Variants in KCNQ5 observed in about 807,000 individuals in gnomAD.
KCNQ5 encodes potassium voltage-gated channel subfamily KQT member 5.
Under a neutral mutation model 98.2 loss-of-function variants are expected in KCNQ5, and 30 were observed. That is an observed-to-expected ratio of 0.31 (90% CI 0.23 to 0.41). KCNQ5 has a LOEUF of 0.41. Among genes scored for constraint, KCNQ5 ranks in the 10% least tolerant of loss-of-function variants. The pLI is 1.00. For missense variants in KCNQ5, 835 were observed against 1,182.5 expected (o/e 0.71, Z 4.31); for synonymous variants, 458 against 449.4 (o/e 1.02, Z -0.24).
intron 1 of KCNQ5, among the ~76,000 whole-genome samples, chr6:72,766,724 A>G (rs572140411): frequency 3.7e-4 from 57 of 152,072 alleles, no homozygotes; most frequent in Middle Eastern, 3.4e-3. Context: ...CATTTGCTGG[A>G]GATGAGAGGG....
intron 1 of KCNQ5, among the ~76,000 whole-genome samples, chr6:72,930,314 A>G (rs1296408591): frequency 2.0e-5 from 3 of 152,168 alleles, no homozygotes; most frequent in Non-Finnish European, 4.4e-5. Flanking sequence ...TGAAAGGAGC[A>G]ACTATGTCTT....
chr6:73,131,306 G>A (rs867193868), intron 9 of KCNQ5, among the ~76,000 whole-genome samples: 1 of 151,860 alleles, frequency 6.6e-6, no homozygotes, highest in Admixed American at 6.6e-5. Flanking sequence ...CATTTCTTAT[G>A]TATTTAGTTG....
chr6:72,716,938 A>G (rs556842846), intron 1 of KCNQ5, among the ~76,000 whole-genome samples: 1 of 152,296 alleles, frequency 6.6e-6, no homozygotes, highest in Non-Finnish European at 1.5e-5. Context: ...TTAAACACCT[A>G]CTCCATGCCA....
intron 1 of KCNQ5, among the ~76,000 whole-genome samples, chr6:72,956,365 ACT>A (rs1240290411): frequency 6.6e-6 from 1 of 151,796 alleles, no homozygotes; most frequent in Non-Finnish European, 1.5e-5. Flanking sequence ...GTGTTTAAAT[ACT>A]CTTTCCAGGA....
At chr6:73,007,513 T>C (rs1464704671) in intron 2 of KCNQ5, among the ~76,000 whole-genome samples, 4 of 152,212 alleles carry the variant, frequency 2.6e-5, no homozygotes, top group Non-Finnish European at 5.9e-5. Context: ...TGTAATTCAA[T>C]GGATGGAACT....
intron 2 of KCNQ5, among the ~76,000 whole-genome samples, chr6:73,016,069 G>A (rs981320931): frequency 6.6e-5 from 10 of 152,110 alleles, no homozygotes; most frequent in Non-Finnish European, 1.2e-4. Context: ...TAATGTTTTT[G>A]TGGAAGACCT....
At chr6:72,848,585 C>T (rs1402596231) in intron 1 of KCNQ5, among the ~76,000 whole-genome samples, 1 of 152,148 alleles carries the variant, frequency 6.6e-6, no homozygotes, top group Non-Finnish European at 1.5e-5. Context: ...TTACCCATCC[C>T]TAAAAGTCTA....
chr6:72,779,119 C>T (rs561350596), intron 1 of KCNQ5, among the ~76,000 whole-genome samples: 2 of 152,084 alleles, frequency 1.3e-5, no homozygotes, highest in Non-Finnish European at 2.9e-5. Flanking sequence ...GGAGCAGAGC[C>T]GTGGGAGACT....
chr6:73,026,140 C>T (rs1448798875), intron 2 of KCNQ5, among the ~76,000 whole-genome samples: 1 of 152,160 alleles, frequency 6.6e-6, no homozygotes, highest in Non-Finnish European at 1.5e-5. Flanking sequence ...TCTACCAAAA[C>T]CTGGTGAGGG....
chr6:72,859,421 T>C (rs929384926), intron 1 of KCNQ5, among the ~76,000 whole-genome samples: 2 of 125,876 alleles, frequency 1.6e-5, no homozygotes, highest in Non-Finnish European at 3.9e-5. Flanking sequence ...TTTCCCCATA[T>C]TTTTCGTATT....
intron 1 of KCNQ5, among the ~76,000 whole-genome samples, chr6:72,717,274 T>C (rs913310990): frequency 4.6e-5 from 7 of 152,222 alleles, no homozygotes; most frequent in Non-Finnish European, 7.4e-5. Context: ...TAAGTTATTG[T>C]ATATCTCAAA....
intron 10 of KCNQ5, among the ~76,000 whole-genome samples, chr6:73,155,224 A>G (rs1490136474): frequency 6.6e-6 from 1 of 152,230 alleles, no homozygotes; most frequent in Non-Finnish European, 1.5e-5. Flanking sequence ...AGACTACAAA[A>G]TAAAGTTATG....
At chr6:72,926,620 G>T (rs185682413) in intron 1 of KCNQ5, among the ~76,000 whole-genome samples, 36 of 152,186 alleles carry the variant, frequency 2.4e-4, no homozygotes, top group Admixed American at 3.9e-4. Flanking sequence ...ACTTGTAATT[G>T]TGAAGGTTTG....
chr6:72,664,155 A>G (rs1766670568), intron 1 of KCNQ5, among the ~76,000 whole-genome samples: 1 of 152,212 alleles, frequency 6.6e-6, no homozygotes, highest in South Asian at 2.1e-4. Flanking sequence ...AAGTGTTAGG[A>G]GGGGATGTAG....
chr6:73,045,852 G>A (rs1241703019), intron 3 of KCNQ5, among the ~76,000 whole-genome samples: 1 of 152,018 alleles, frequency 6.6e-6, no homozygotes. Context: ...AGTCTTGCAG[G>A]GAGTCTCAGT....
intron 11 of KCNQ5, among the ~76,000 whole-genome samples, chr6:73,174,023 T>C (rs1422918218): frequency 3.3e-5 from 5 of 152,056 alleles, no homozygotes; most frequent in Admixed American, 2.0e-4. Context: ...ATGCAAAGCT[T>C]ACCTGCTTCT....
At chr6:72,717,910 C>A (rs993810713) in intron 1 of KCNQ5, among the ~76,000 whole-genome samples, 1 of 152,128 alleles carries the variant, frequency 6.6e-6, no homozygotes, top group African/African-American at 2.4e-5. Context: ...TCAGCTTTTA[C>A]GGTACAGTAC....
chr6:72,954,888 G>C (rs572811717), intron 1 of KCNQ5, among the ~76,000 whole-genome samples: 1 of 152,196 alleles, frequency 6.6e-6, no homozygotes, highest in African/African-American at 2.4e-5. Context: ...CATGGCCCTC[G>C]TGTGTATGTA....
At chr6:73,110,393 A>G (rs555369852) in intron 6 of KCNQ5, among the ~76,000 whole-genome samples, 16 of 152,334 alleles carry the variant, frequency 1.1e-4, no homozygotes, top group African/African-American at 3.8e-4. Context: ...TACAAATGTT[A>G]GTAGACCAGA....
Sources: allele counts gnomAD v4.1 joint callset (sites outside exome capture counted in the v4.1 genomes callset), GRCh38; gene constraint gnomAD v4.1.1; transcripts MANE v1.5; gene names NCBI Gene and HGNC (gene_info 2026-07-23, HGNC 2026-07-21).